FBP1: variants seen among roughly 807,000 people sequenced by gnomAD.
The protein encoded by FBP1 is fructose-bisphosphatase 1, also known as fructose-1,6-bisphosphatase 1.
FBP1 carries 22 observed loss-of-function variants against 29.9 expected under a neutral mutation model. The ratio of observed to expected loss-of-function variants is 0.74; its 90% confidence interval spans 0.53 to 1.05. The LOEUF (loss-of-function observed/expected upper bound fraction) is 1.05, where lower values mean the gene tolerates loss of function less well. Ranked by LOEUF, FBP1 falls within the 50% of genes least tolerant of loss-of-function variation. The probability of loss-of-function intolerance (pLI) is 0.00; values close to 1 mark genes in which losing one functional copy is unlikely to be tolerated. For synonymous variants in FBP1, 175 were observed against 178.6 expected (o/e 0.98, Z 0.16); for missense variants, 345 against 448.2 (o/e 0.77, Z 2.08).
At chr9:94,624,274 C>CTTGCAGTGAGCCGAGA (rs1827990680) in intron 1 of FBP1, among the ~76,000 whole-genome samples, 1 of 146,362 alleles carries the variant, frequency 6.8e-6, no homozygotes, top group South Asian at 2.2e-4. Context: ...GGAGGCGGAG[C>CTTGCAGTGAGCCGAGA]TTGCAGTGAG....
chr9:94,623,734 A>C (rs941614541), intron 1 of FBP1, among the ~76,000 whole-genome samples: 54 of 152,306 alleles, frequency 3.5e-4, no homozygotes, highest in Middle Eastern at 3.4e-3. Flanking sequence ...TTTATTCTAC[A>C]AATATTCACC....
At chr9:94,624,337 CAAA>C (rs10717568) in intron 1 of FBP1, among the ~76,000 whole-genome samples, 28 of 90,244 alleles carry the variant, frequency 3.1e-4, no homozygotes, top group Admixed American at 6.5e-4. Flanking sequence ...GACTCCATCT[CAAA>C]AAAAAAAAAA....
chr9:94,626,094 T>C (rs943595343), intron 1 of FBP1, among the ~76,000 whole-genome samples: 3 of 152,170 alleles, frequency 2.0e-5, no homozygotes, highest in Non-Finnish European at 4.4e-5. Flanking sequence ...GCCTCTTCTC[T>C]TTACCCCCAG....
At chr9:94,608,237 G>A (rs1827730306) in intron 4 of FBP1, among the ~76,000 whole-genome samples, 1 of 152,170 alleles carries the variant, frequency 6.6e-6, no homozygotes, top group South Asian at 2.1e-4. Flanking sequence ...TTTGCAGCAA[G>A]CGCAAACAAA....
intron 4 of FBP1, among the ~76,000 whole-genome samples, chr9:94,608,534 C>T (rs1827734543): frequency 6.6e-6 from 1 of 152,210 alleles, no homozygotes; most frequent in Non-Finnish European, 1.5e-5. Flanking sequence ...TCACAGTCAG[C>T]AAACATCAGT....
chr9:94,606,953 C>A lies in FBP1; in HGVS notation c.568-1G>T. 1 of 1,614,100 alleles carries A rather than the reference C, an allele frequency of 6.2e-7. No homozygotes were observed. Among genetic ancestry groups the A allele is most frequent in the Non-Finnish European group, 8.5e-7 (1 of 1,179,968 alleles). The stretch of plus-strand genomic sequence containing the variant: ...CCACCAAAATGAACTCCCCGATGGC[C>A]TTTTTAGACAAGGAAGGAAAGGTGG... On this transcript the variant is annotated splice_acceptor_variant, in intron 4 of 6. Transcript: ENST00000375326. LOFTEE classifies it high-confidence loss of function.
At chr9:94,610,921 T>C (rs1262534009) in intron 3 of FBP1, among the ~76,000 whole-genome samples, 6 of 151,714 alleles carry the variant, frequency 4.0e-5, no homozygotes, top group Middle Eastern at 3.4e-3. Context: ...TGGAGTGCAG[T>C]GGTGCTATCT....
In FBP1 at chr9:94,609,901, C is replaced by A; in HGVS notation, c.567+20G>T. On this transcript the variant is annotated intron_variant, in intron 4 of 6. Transcript: ENST00000375326. ...TCACAGACACCAGCCAAGCCCCCAG[C>A]CTCCTGTGAGGTCTCTCACCGGGTC... The A allele has an allele frequency of 6.2e-7, 1 of 1,613,848 alleles. No homozygotes were observed.
rs1178293065 is a variant in FBP1 at position 94,606,890 on chromosome 9, G to A, written c.630C>T (p.Tyr210=). The change falls in exon 5 of 7, where the codon TAC becomes TAT. Residue 210 remains tyrosine (Y), a synonymous_variant. Coordinates refer to ENST00000375326, the MANE Select transcript of FBP1 (RefSeq NM_000507.4). ...DVKIKKKGKI[Y]SLNEGYARDF... is the part of the protein sequence containing the mutation. ...CCCTGGCGTAGCCCTCGTTAAGGCTGTAGATTTTACCTTTCTTTTTTATCT... is the reference window on the plus strand; with the variant it reads ...CCCTGGCGTAGCCCTCGTTAAGGCTATAGATTTTACCTTTCTTTTTTATCT... The A allele has an allele frequency of 2.5e-6, 4 of 1,613,904 alleles. No homozygotes were observed. Among genetic ancestry groups the A allele is most frequent in the Middle Eastern group, 1.6e-4 (1 of 6,084 alleles).
rs747191202 is a variant in FBP1, at chr9:94,603,436, G to C, written c.962C>G (p.Ser321Cys). Residue 321 changes from serine (S) to cysteine (C), a missense_variant, in exon 7 of 7, where the codon TCC becomes TGC. Physicochemically the swap from Ser to Cys is moderately radical, Grantham distance 112. Coordinates refer to ENST00000375326, the MANE Select transcript of FBP1 (RefSeq NM_000507.4). The part of the protein sequence containing the change: ...IHQRAPVILG[S>C]PDDVLEFLKV... ...CAGGAACTCGAGCACGTCGTCGGGG[G>C]ATCCCAAGATCACCGGCGCCCTCTG... is the stretch of plus-strand genomic sequence containing the variant. 6.2e-7 allele frequency: 1 copy of C among 1,614,030 alleles called. No homozygotes were observed. Among genetic ancestry groups the C allele is most frequent in the Admixed American group, 1.7e-5 (1 of 59,992 alleles).
At chr9:94,634,074 A>G (rs1828153920) in intron 1 of FBP1, among the ~76,000 whole-genome samples, 3 of 150,578 alleles carry the variant, frequency 2.0e-5, no homozygotes, top group East Asian at 4.1e-4. Flanking sequence ...CGGGCAGATC[A>G]CCTGAGGTCA....
intron 3 of FBP1, among the ~76,000 whole-genome samples, chr9:94,617,050 C>T (rs1171776771): frequency 3.9e-5 from 6 of 152,096 alleles, no homozygotes; most frequent in Admixed American, 3.3e-4. Context: ...GTGCTTTCTA[C>T]GACTTAGAGC....
intron 1 of FBP1, among the ~76,000 whole-genome samples, chr9:94,632,063 TA>T (rs1351732587): frequency 2.0e-5 from 3 of 152,158 alleles, no homozygotes; most frequent in African/African-American, 7.2e-5. Flanking sequence ...GTAAAGTTTC[TA>T]AAAGCTTAAT....
intron 1 of FBP1, among the ~76,000 whole-genome samples, chr9:94,621,715 G>A (rs1157278315): frequency 6.6e-6 from 1 of 152,048 alleles, no homozygotes; most frequent in South Asian, 2.1e-4. Context: ...AAGTTTGCGG[G>A]TGTTTTTGGT....
chr9:94,635,044 G>A (rs1402118025), intron 1 of FBP1, among the ~76,000 whole-genome samples: 1 of 128,980 alleles, frequency 7.8e-6, no homozygotes, highest in Non-Finnish European at 1.5e-5. Flanking sequence ...AGCTGAGATT[G>A]CACCACTGCA....
intron 3 of FBP1, among the ~76,000 whole-genome samples, chr9:94,612,482 A>G (rs1827799608): frequency 2.0e-5 from 3 of 152,106 alleles, no homozygotes; most frequent in Admixed American, 2.0e-4. Flanking sequence ...CCACATACTC[A>G]AAACGAAGAG....
rs28369713 is a variant in FBP1, at chr9:94,612,734, T to A, written c.427-2673A>T. Among the ~76,000 whole-genome samples the A allele has an allele frequency of 1.8e-4, 28 of 151,918 alleles. No individual in the cohort carries two copies. In the East Asian group the frequency reaches 5.4e-3, roughly 29 times the overall value. On this transcript the variant is annotated intron_variant, in intron 3 of 6. Transcript: ENST00000375326. ...ACCACGCCTGGCTAATTTTTTTTTT[T>A]ATTTTTAGTAGAGATGGGGTTTCAC...
At chr9:94,624,417 C>T (rs979953485) in intron 1 of FBP1, among the ~76,000 whole-genome samples, 1 of 151,344 alleles carries the variant, frequency 6.6e-6, no homozygotes, top group Non-Finnish European at 1.5e-5. Flanking sequence ...CTTTGGGAGG[C>T]CAAGGCGGGT....
At chr9:94,612,304 A>G (rs560657404) in intron 3 of FBP1, among the ~76,000 whole-genome samples, 18 of 152,262 alleles carry the variant, frequency 1.2e-4, no homozygotes, top group African/African-American at 4.1e-4. Context: ...TTCTCTGCCA[A>G]TAAAGGCCCC....
Sources: allele counts gnomAD v4.1 joint callset (sites outside exome capture counted in the v4.1 genomes callset), GRCh38; gene constraint gnomAD v4.1.1; transcripts MANE v1.5; gene names NCBI Gene and HGNC (gene_info 2026-07-23, HGNC 2026-07-21).